DNAH14: variants seen among roughly 807,000 people sequenced by gnomAD.
DNAH14 encodes the protein dynein axonemal heavy chain 14.
In DNAH14, 478 loss-of-function variants were observed where a neutral mutation model predicts 520.9. The observed-to-expected ratio is 0.92, with a 90% CI of 0.85 to 0.99. The LOEUF is 0.99. Among genes scored for constraint, DNAH14 ranks in the 50% least tolerant of loss-of-function variants. DNAH14 has a pLI of 0.00. For synonymous variants in DNAH14, 1,581 were observed against 1,757.2 expected, an observed-to-expected ratio of 0.90 and a Z score of 2.51; for missense variants, 4,831 against 5,234.5, an observed-to-expected ratio of 0.92 and a Z score of 2.38.
At chr1:225,089,951 C>T (rs1366021577) in intron 21 of DNAH14, among the ~76,000 whole-genome samples, 1 of 152,010 alleles carries the variant, frequency 6.6e-6, no homozygotes, top group African/African-American at 2.4e-5. Flanking sequence ...ACTGGAGTTT[C>T]CAGCCAGTGT....
At chr1:225,162,014 G>A (rs1375731710) in intron 35 of DNAH14, among the ~76,000 whole-genome samples, 2 of 152,054 alleles carry the variant, frequency 1.3e-5, no homozygotes, top group African/African-American at 2.4e-5. Flanking sequence ...AACTTCATGC[G>A]ATTCCATTTA....
intron 66 of DNAH14, among the ~76,000 whole-genome samples, chr1:225,335,924 CAT>C (rs1268181912): frequency 3.9e-5 from 5 of 129,586 alleles, no homozygotes; most frequent in Non-Finnish European, 8.2e-5. Context: ...TATATATGCA[CAT>C]ATACCTATAT....
rs201350201 is a variant in DNAH14 at position 224,971,131 on chromosome 1, C to A, written c.767+2257C>A. 2.0e-5 allele frequency among the ~76,000 whole-genome samples: 3 copies of A among 152,174 alleles called. No homozygotes were observed. The East Asian group carries it at 5.8e-4, about 29-fold the overall frequency. On this transcript the variant is annotated intron_variant, in intron 7 of 85. Coordinates refer to ENST00000682510, the MANE Select transcript of DNAH14 (RefSeq NM_001367479.1). Reference sequence around the variant, plus strand: ...TTTTAAGGTACATTATGTTACATTACATTATATCACATCACATTAGGATTC... The same window carrying A: ...TTTTAAGGTACATTATGTTACATTAAATTATATCACATCACATTAGGATTC...
chr1:225,078,351 A>G (rs530284694), intron 17 of DNAH14, among the ~76,000 whole-genome samples: 1 of 152,336 alleles, frequency 6.6e-6, no homozygotes, highest in East Asian at 1.9e-4. Flanking sequence ...AACCTATCAC[A>G]TACATGCCCA....
intron 36 of DNAH14, among the ~76,000 whole-genome samples, chr1:225,176,507 A>G (rs1185696872): frequency 6.8e-6 from 1 of 147,082 alleles, no homozygotes; most frequent in African/African-American, 2.5e-5. Flanking sequence ...TTCTGTCTAT[A>G]TGAGTTATCC....
intron 10 of DNAH14, among the ~76,000 whole-genome samples, chr1:225,014,035 G>C (rs1369075662): frequency 6.6e-6 from 1 of 152,040 alleles, no homozygotes; most frequent in Non-Finnish European, 1.5e-5. Context: ...TCGGATTTTT[G>C]CCATACAAGC....
rs1378896152 is a variant in DNAH14 at position 225,325,498 on chromosome 1, A to AT, written c.9723+666_9723+667insT. Among the ~76,000 whole-genome samples, 215 of 151,924 alleles carry AT rather than the reference A, an allele frequency of 1.4e-3. 1 individual carries two copies. Among genetic ancestry groups the AT allele is most frequent in the African/African-American group, 5.0e-3 (205 of 41,398 alleles). The stretch of plus-strand genomic sequence containing the variant: ...AAAACTCCATCTCAAAAAAAAAAAA[A>AT]ATATCCAACTGTACTTAACCTGTTT... On this transcript the variant is annotated intron_variant, in intron 64 of 85. Transcript: ENST00000682510.
At chr1:225,174,414 G>A (rs1200175112) in intron 36 of DNAH14, among the ~76,000 whole-genome samples, 1 of 151,888 alleles carries the variant, frequency 6.6e-6, no homozygotes, top group East Asian at 1.9e-4. Flanking sequence ...CACCTTCTAG[G>A]TATTTCATAT....
At chr1:225,090,753 A>G (rs576724183) in intron 21 of DNAH14, among the ~76,000 whole-genome samples, 44 of 152,304 alleles carry the variant, frequency 2.9e-4, no homozygotes, top group Admixed American at 1.6e-3. Context: ...ACCTAAATGC[A>G]AAACCTAAAA....
intron 8 of DNAH14, among the ~76,000 whole-genome samples, chr1:224,987,831 T>G (rs1215500254): frequency 6.6e-6 from 1 of 150,970 alleles, no homozygotes; most frequent in African/African-American, 2.5e-5. Flanking sequence ...TTTCACTATG[T>G]TGGCCAGGCT....
intron 51 of DNAH14, among the ~76,000 whole-genome samples, chr1:225,272,465 G>T (rs2093340369): frequency 6.6e-6 from 1 of 152,126 alleles, no homozygotes; most frequent in Non-Finnish European, 1.5e-5. Context: ...ATCAGCCATG[G>T]CCAAATAATT....
chr1:225,292,720 G>C (rs1362314060), intron 55 of DNAH14, among the ~76,000 whole-genome samples: 4 of 151,896 alleles, frequency 2.6e-5, no homozygotes, highest in Non-Finnish European at 2.9e-5. Flanking sequence ...TAGTTTTTTT[G>C]ATTCATGAAC....
At chr1:225,060,343 A>G (rs1471045176) in intron 17 of DNAH14, among the ~76,000 whole-genome samples, 2 of 152,062 alleles carry the variant, frequency 1.3e-5, no homozygotes, top group East Asian at 1.9e-4. Context: ...CATAGTTCTC[A>G]TGCCTTGGTT....
At chr1:224,992,755 T>G (rs1390942434) in intron 8 of DNAH14, among the ~76,000 whole-genome samples, 1 of 152,204 alleles carries the variant, frequency 6.6e-6, no homozygotes, top group East Asian at 1.9e-4. Context: ...ATAGAAGTGG[T>G]GAGAGTGGAC....
chr1:225,399,010 T>C, intron 85 of DNAH14, 44 bp from the exon 86 acceptor site: 1 of 1,390,712 alleles, frequency 7.2e-7, no homozygotes, highest in Non-Finnish European at 9.9e-7. Context: ...ACTGATTCAC[T>C]TGAACTATGC....
intron 54 of DNAH14, among the ~76,000 whole-genome samples, chr1:225,287,296 T>C (rs989159694): frequency 6.6e-6 from 1 of 152,124 alleles, no homozygotes; most frequent in Non-Finnish European, 1.5e-5. Context: ...GTTGCAAGTG[T>C]GTGACACAAA....
Position 225,240,580 on chromosome 1 carries a change from C to A in DNAH14, c.6519-13C>A. On this transcript the variant is annotated splice_polypyrimidine_tract_variant and intron_variant, in intron 42 of 85. Transcript: ENST00000682510. ...AATGTTAACCTTCATCCTTCCATAC[C>A]TGTCTACCCCAGGGATGAAAATACA... is the stretch of plus-strand genomic sequence containing the variant. The A allele has an allele frequency of 6.8e-7, 1 of 1,473,440 alleles. No individual in the cohort carries two copies. The highest frequency in any genetic ancestry group is 9.3e-7 in the Non-Finnish European group (1 of 1,078,012). The allele number at this position is 1,473,440 out of a possible 1,614,324, so 91.3% of individuals were successfully genotyped here. A position where few individuals can be genotyped will look rare whatever the true frequency, so the allele number is the denominator to read the frequency against.
chr1:225,023,987 C>T (rs1478927538), intron 11 of DNAH14, 122 bp downstream of exon 11: 2 of 1,410,990 alleles, frequency 1.4e-6, no homozygotes, highest in Non-Finnish European at 1.8e-6. Context: ...TGGCAGAGTA[C>T]ATGTACTCAT....
intron 54 of DNAH14, among the ~76,000 whole-genome samples, chr1:225,279,547 A>G (rs2093577784): frequency 6.6e-6 from 1 of 152,240 alleles, no homozygotes; most frequent in Admixed American, 6.5e-5. Context: ...GATCAGTTTA[A>G]TTCAGTAAAA....
Sources: gnomAD v4.1 joint callset for allele counts (sites outside exome capture counted in the v4.1 genomes callset) on GRCh38, gnomAD v4.1.1 for gene constraint, MANE v1.5 for transcripts, NCBI Gene and HGNC (gene_info 2026-07-23, HGNC 2026-07-21) for gene names.